CNTN4: variants seen among roughly 807,000 people sequenced by gnomAD.
CNTN4 encodes the protein contactin 4.
In CNTN4, 77 loss-of-function variants were observed where a neutral mutation model predicts 122.5. The ratio of observed to expected loss-of-function variants is 0.63; its 90% CI spans 0.52 to 0.76. CNTN4 has a LOEUF of 0.76. CNTN4 is among the 30% of genes least tolerant of loss of function. The pLI is 0.00. For missense variants in CNTN4, 1,256 were observed against 1,259.1 expected (o/e 1.00, Z 0.04); for synonymous variants, 512 against 447.0 (o/e 1.15, Z -1.83).
At chr3:2,945,998 A>ACCC in intron 13 of CNTN4, among the ~76,000 whole-genome samples, 1 of 152,226 alleles carries the variant, frequency 6.6e-6, no homozygotes, top group East Asian at 1.9e-4. Context: ...GGGTCCAGAG[A>ACCC]GTCTCATCTT....
At chr3:2,712,226 A>G (rs969511983) in intron 4 of CNTN4, among the ~76,000 whole-genome samples, 4 of 152,234 alleles carry the variant, frequency 2.6e-5, no homozygotes, top group Non-Finnish European at 4.4e-5. Context: ...CACCAAAAGT[A>G]TCTGTTAAAG....
At chr3:2,455,161 AAAGGGCTGCCATTGAACACAGC>A (rs1423986982) in intron 3 of CNTN4, among the ~76,000 whole-genome samples, 1 of 152,164 alleles carries the variant, frequency 6.6e-6, no homozygotes, top group Non-Finnish European at 1.5e-5. Flanking sequence ...TTCTTCCAGT[AAAGGGCTGCCATTGAACACAGC>A]AAGGGCTGTG....
intron 3 of CNTN4, among the ~76,000 whole-genome samples, chr3:2,439,929 T>C (rs745986609): frequency 6.6e-6 from 1 of 152,098 alleles, no homozygotes; most frequent in South Asian, 2.1e-4. Flanking sequence ...AAAAAAATCT[T>C]TGGGAGTAAA....
At chr3:2,525,706 C>T (rs1243081992) in intron 3 of CNTN4, among the ~76,000 whole-genome samples, 2 of 152,058 alleles carry the variant, frequency 1.3e-5, no homozygotes, top group African/African-American at 4.8e-5. Context: ...AATATATTAT[C>T]TGGAACACAA....
intron 14 of CNTN4, among the ~76,000 whole-genome samples, chr3:2,996,799 A>G (rs1427925012): frequency 6.6e-6 from 1 of 152,188 alleles, no homozygotes; most frequent in African/African-American, 2.4e-5. Flanking sequence ...CAGCTGTTTT[A>G]TAATCAGTAT....
intron 4 of CNTN4, among the ~76,000 whole-genome samples, chr3:2,616,410 G>A (rs889827147): frequency 2.6e-5 from 4 of 152,000 alleles, no homozygotes; most frequent in Admixed American, 2.6e-4. Context: ...TCATGTCTTT[G>A]CTGTTGTGAA....
chr3:2,331,429 T>C (rs2043716357), intron 2 of CNTN4, among the ~76,000 whole-genome samples: 1 of 152,132 alleles, frequency 6.6e-6, no homozygotes, highest in Non-Finnish European at 1.5e-5. Flanking sequence ...AGTTTTGCCA[T>C]CATCTGCCCA....
At chr3:3,004,612 C>G (rs538647694) in intron 14 of CNTN4, among the ~76,000 whole-genome samples, 1 of 152,096 alleles carries the variant, frequency 6.6e-6, no homozygotes, top group African/African-American at 2.4e-5. Context: ...GTTGAAAGTG[C>G]GTTTGTAAAA....
chr3:2,669,482 TTTC>T (rs1200436442), intron 4 of CNTN4, among the ~76,000 whole-genome samples: 13 of 152,190 alleles, frequency 8.5e-5, no homozygotes, highest in African/African-American at 2.9e-4. Context: ...TCTTCTCTCT[TTTC>T]TTCTTTATTA....
At chr3:2,137,372 A>C (rs531454226) in intron 2 of CNTN4, among the ~76,000 whole-genome samples, 5 of 152,330 alleles carry the variant, frequency 3.3e-5, no homozygotes, top group African/African-American at 1.2e-4. Context: ...GCCACTGCAG[A>C]AAAAGGGAAT....
intron 2 of CNTN4, among the ~76,000 whole-genome samples, chr3:2,127,542 A>T (rs2034237210): frequency 6.6e-6 from 1 of 152,068 alleles, no homozygotes; most frequent in South Asian, 2.1e-4. Context: ...GATTGTTTTA[A>T]AAAAAATCAA....
chr3:2,231,360 C>A (rs544613029), intron 2 of CNTN4, among the ~76,000 whole-genome samples: 1 of 152,276 alleles, frequency 6.6e-6, no homozygotes, highest in African/African-American at 2.4e-5. Flanking sequence ...GGAAATTTCC[C>A]TAATCCATCC....
At chr3:2,912,115 G>C (rs2151233587) in intron 12 of CNTN4, among the ~76,000 whole-genome samples, 1 of 152,294 alleles carries the variant, frequency 6.6e-6, no homozygotes, top group South Asian at 2.1e-4. Flanking sequence ...TGAATCCAAA[G>C]AGATCTACAC....
At chr3:2,411,546 T>C (rs1464177494) in intron 3 of CNTN4, among the ~76,000 whole-genome samples, 1 of 152,154 alleles carries the variant, frequency 6.6e-6, no homozygotes, top group African/African-American at 2.4e-5. Flanking sequence ...TTTTTTGGAA[T>C]GTCTTTTCAT....
chr3:3,048,848 C>T (rs1336494102), intron 23 of CNTN4, among the ~76,000 whole-genome samples: 1 of 152,146 alleles, frequency 6.6e-6, no homozygotes, highest in East Asian at 1.9e-4. Context: ...CTTAGGTAGA[C>T]AGTCTCAACA....
intron 4 of CNTN4, among the ~76,000 whole-genome samples, chr3:2,612,686 A>G (rs1189970332): frequency 1.3e-5 from 2 of 152,178 alleles, no homozygotes; most frequent in African/African-American, 4.8e-5. Context: ...GATGAGCTGC[A>G]TTGCTACATA....
rs1396970360 is a variant in CNTN4, at chr3:2,709,358, A to G, written c.56-26857A>G. On this transcript the variant is annotated intron_variant, in intron 4 of 24. Coordinates refer to ENST00000418658, the MANE Select transcript of CNTN4 (RefSeq NM_175607.3). This position sits in a 1 kb window ranked among gnomAD's most constrained non-coding sequence, Gnocchi z 5.0. ...ATCTGGGGGTCCTTAAAAAATACTG[A>G]TGCGTAGGTCTCACGCCTGGTTAGG... 3.3e-5 allele frequency among the ~76,000 whole-genome samples: 5 copies of G among 152,084 alleles called. No homozygotes were observed. The highest frequency in any genetic ancestry group is 4.8e-5 in the African/African-American group (2 of 41,414).
intron 13 of CNTN4, among the ~76,000 whole-genome samples, chr3:2,987,100 C>A (rs1217432154): frequency 6.6e-6 from 1 of 152,128 alleles, no homozygotes; most frequent in Non-Finnish European, 1.5e-5. Flanking sequence ...TGTCCAGATA[C>A]AGGGAAATGT....
At chr3:2,246,901 A>G (rs1348704990) in intron 2 of CNTN4, among the ~76,000 whole-genome samples, 3 of 151,976 alleles carry the variant, frequency 2.0e-5, no homozygotes, top group African/African-American at 7.2e-5. Context: ...TTGGACATAC[A>G]GACTTGGTGG....
Sources: allele counts gnomAD v4.1 joint callset (sites outside exome capture counted in the v4.1 genomes callset), GRCh38; gene constraint gnomAD v4.1.1; non-coding constraint Gnocchi (gnomAD v3.1); transcripts MANE v1.5; gene names NCBI Gene and HGNC (gene_info 2026-07-23, HGNC 2026-07-21).